The following UBN2 variants were observed in gnomAD, a reference collection of about 807,000 sequenced individuals.
The protein encoded by UBN2 is ubinuclein-2.
UBN2 carries 35 observed loss-of-function variants against 120.2 expected under a neutral mutation model. The observed-to-expected ratio is 0.29, with a 90% CI of 0.22 to 0.39. The LOEUF is 0.39. Among genes scored for constraint, UBN2 ranks in the 10% least tolerant of loss-of-function variants. UBN2 has a pLI of 1.00. For synonymous variants in UBN2, 661 were observed against 648.7 expected (o/e 1.02, Z -0.29); for missense variants, 1,693 against 1,663.2 (o/e 1.02, Z -0.31).
intron 6 of UBN2, among the ~76,000 whole-genome samples, chr7:139,263,407 T>A (rs1251474563): frequency 6.6e-6 from 1 of 152,258 alleles, no homozygotes; most frequent in South Asian, 2.1e-4. Flanking sequence ...ATCTTGTTTT[T>A]TAAACTGTGG....
intron 16 of UBN2, 113 bp downstream of exon 16, chr7:139,293,576 T>TG: frequency 2.8e-5 from 26 of 939,744 alleles, no homozygotes; most frequent in South Asian, 2.4e-4. Context: ...ATTATAGTTT[T>TG]TTTTTTTTTT....
intron 9 of UBN2, 46 bp from the exon 10 acceptor site, chr7:139,273,251 A>C (rs751160770): frequency 7.9e-7 from 1 of 1,260,840 alleles, no homozygotes; most frequent in Admixed American, 1.9e-5. Flanking sequence ...TTATATAGGC[A>C]GTGTTGGGTT....
At chr7:139,265,879 T>C (rs192799647) in intron 6 of UBN2, among the ~76,000 whole-genome samples, 19 of 152,264 alleles carry the variant, frequency 1.2e-4, no homozygotes, top group Admixed American at 3.9e-4. Context: ...CCCGGTGATA[T>C]TGACTTTGGA....
At chr7:139,247,020 C>T (rs187207263) in intron 2 of UBN2, among the ~76,000 whole-genome samples, 2 of 152,136 alleles carry the variant, frequency 1.3e-5, no homozygotes, top group East Asian at 1.9e-4. Context: ...TTGCTATAAA[C>T]GTGAGAGTGC....
intron 2 of UBN2, among the ~76,000 whole-genome samples, chr7:139,250,442 C>T (rs1163056980): frequency 6.6e-6 from 1 of 151,934 alleles, no homozygotes; most frequent in Non-Finnish European, 1.5e-5. Flanking sequence ...TCATTTTGGC[C>T]AGGCTGGTCT....
chr7:139,255,004 T>C (rs1796720266), intron 3 of UBN2, among the ~76,000 whole-genome samples: 1 of 152,172 alleles, frequency 6.6e-6, no homozygotes, highest in Non-Finnish European at 1.5e-5. Context: ...GTTGTACACT[T>C]TGTGGGTTTG....
chr7:139,327,182 T>G, the UBN2 span, among the ~76,000 whole-genome samples: 1,708 of 152,208 alleles, frequency 0.011, 44 homozygotes, highest in African/African-American at 0.039. Context: ...TACAGGCATG[T>G]GCCACCACAC....
chr7:139,246,196 C>T (rs1796463797), intron 2 of UBN2, among the ~76,000 whole-genome samples: 1 of 152,220 alleles, frequency 6.6e-6, no homozygotes, highest in South Asian at 2.1e-4. Context: ...GAAACCCTGC[C>T]TCTACTAAAA....
Position 139,231,416 on chromosome 7 carries a change from G to T in UBN2, c.-69G>T. ...GCGACAGAGAGCAAGAGGAAGGGCGGGCAGGCACGCAGCGCGCCGTAGAAG... is the reference window on the plus strand; with the variant it reads ...GCGACAGAGAGCAAGAGGAAGGGCGTGCAGGCACGCAGCGCGCCGTAGAAG... On this transcript the variant is annotated 5_prime_UTR_variant, in exon 1 of 18. Coordinates refer to ENST00000473989, the MANE Select transcript of UBN2 (RefSeq NM_173569.4). 8.4e-7 allele frequency: 1 copy of T among 1,189,952 alleles called. No individual in the cohort carries two copies. Among genetic ancestry groups the T allele is most frequent in the South Asian group, 2.8e-5 (1 of 35,842 alleles). 73.7% of individuals were successfully genotyped at this position (1,189,952 alleles called of 1,614,324 possible).
chr7:139,281,030 A>G (rs998880048), intron 13 of UBN2, among the ~76,000 whole-genome samples: 2 of 152,162 alleles, frequency 1.3e-5, no homozygotes, highest in African/African-American at 2.4e-5. Context: ...TTGAATTTAG[A>G]TGTTGTTTTG....
chr7:139,247,430 T>TAA (rs1281498991), intron 2 of UBN2, among the ~76,000 whole-genome samples: 1 of 152,130 alleles, frequency 6.6e-6, no homozygotes, highest in East Asian at 1.9e-4. Flanking sequence ...TGTTTTCAAC[T>TAA]AAAAAAATGA....
chr7:139,311,626 A>G (rs550232928), downstream of UBN2, among the ~76,000 whole-genome samples: 21 of 152,360 alleles, frequency 1.4e-4, no homozygotes, highest in Non-Finnish European at 2.5e-4. Flanking sequence ...AATGGTGGCT[A>G]CTATTATTCT....
chr7:139,276,612 T>C (rs562418332), intron 12 of UBN2: 1 of 159,526 alleles, frequency 6.3e-6, no homozygotes, highest in South Asian at 1.8e-4. Context: ...CTTAGTGATG[T>C]GATTACTAGA....
Position 139,308,001 on chromosome 7 carries a change from CT to C in UBN2, c.*10166del, listed in dbSNP as rs1319910221. 1 of 150,804 alleles carries C rather than the reference CT, an allele frequency of 6.6e-6. No individual in the cohort carries two copies. The highest frequency in any genetic ancestry group is 1.5e-5 in the Non-Finnish European group (1 of 67,832). 9.3% of individuals were successfully genotyped at this position (150,804 alleles called of 1,614,324 possible). A position where few individuals can be genotyped will look rare whatever the true frequency, so the allele number is the denominator to read the frequency against. On this transcript the variant is annotated 3_prime_UTR_variant, in exon 18 of 18. Transcript: ENST00000473989. Reference sequence around the variant, plus strand: ...TTAGTAAATTACCCCCATGAATATACTCCTTCAGTGCAGGGATTTTTGTGTT... The same window carrying C: ...TTAGTAAATTACCCCCATGAATATACCCTTCAGTGCAGGGATTTTTGTGTT...
chr7:139,260,799 G>T (rs1421555548), intron 5 of UBN2, among the ~76,000 whole-genome samples: 4 of 152,068 alleles, frequency 2.6e-5, no homozygotes, highest in African/African-American at 4.8e-5. Flanking sequence ...TGAGTGTATT[G>T]TTTTTCAACT....
chr7:139,289,264 G>C (rs997533578), intron 15 of UBN2, among the ~76,000 whole-genome samples: 1 of 152,066 alleles, frequency 6.6e-6, no homozygotes, highest in Non-Finnish European at 1.5e-5. Flanking sequence ...TAGATTATCT[G>C]ATGCTTCCAT....
At chr7:139,286,006 A>C (rs571823167) in intron 15 of UBN2, among the ~76,000 whole-genome samples, 35 of 152,266 alleles carry the variant, frequency 2.3e-4, no homozygotes, top group African/African-American at 7.7e-4. Flanking sequence ...GGCTCACTGC[A>C]ACCTCCACCT....
At chr7:139,267,880 C>T (rs946102560) in intron 7 of UBN2, among the ~76,000 whole-genome samples, 2 of 152,136 alleles carry the variant, frequency 1.3e-5, no homozygotes, top group African/African-American at 2.4e-5. Context: ...CTATCTACAC[C>T]ACCTCCTTTT....
chr7:139,286,236 A>T (rs1285707404), intron 15 of UBN2, among the ~76,000 whole-genome samples: 1 of 151,916 alleles, frequency 6.6e-6, no homozygotes, highest in Admixed American at 6.6e-5. Context: ...CCTAATTTTT[A>T]TATTTTTAGT....
Sources: gnomAD v4.1 joint callset for allele counts (sites outside exome capture counted in the v4.1 genomes callset) on GRCh38, gnomAD v4.1.1 for gene constraint, MANE v1.5 for transcripts, NCBI Gene and HGNC (gene_info 2026-07-23, HGNC 2026-07-21) for gene names.